The following GPAT3 variants were observed in gnomAD, a reference collection of about 807,000 sequenced individuals.
GPAT3 encodes the protein glycerol-3-phosphate acyltransferase 3.
Under a neutral mutation model 58.8 loss-of-function variants are expected in GPAT3, and 53 were observed. That is an observed-to-expected ratio of 0.90 (90% CI 0.72 to 1.13). GPAT3 has a LOEUF of 1.13. GPAT3 is among the 50% of genes most tolerant of loss of function. GPAT3 has a pLI of 0.00. For missense variants in GPAT3, 511 were observed against 527.6 expected (o/e 0.97, Z 0.31); for synonymous variants, 197 against 187.4 (o/e 1.05, Z -0.42).
chr4:83,592,432 A>G (rs942178880), intron 6 of GPAT3, among the ~76,000 whole-genome samples: 2 of 152,228 alleles, frequency 1.3e-5, no homozygotes, highest in Non-Finnish European at 2.9e-5. Context: ...GTATTGAAAG[A>G]ACATCAAAGA....
At chr4:83,577,647 C>T (rs903964481) in intron 2 of GPAT3, among the ~76,000 whole-genome samples, 1 of 152,106 alleles carries the variant, frequency 6.6e-6, no homozygotes, top group Non-Finnish European at 1.5e-5. Context: ...AAAAGATCTT[C>T]CTAAGTTATA....
intron 6 of GPAT3, among the ~76,000 whole-genome samples, chr4:83,591,949 TA>T (rs1726617078): frequency 6.6e-6 from 1 of 152,148 alleles, no homozygotes; most frequent in Non-Finnish European, 1.5e-5. Flanking sequence ...TCACATGGTA[TA>T]AGGCAGAAGG....
intron 2 of GPAT3, among the ~76,000 whole-genome samples, chr4:83,548,603 G>A (rs771899537): frequency 2.2e-4 from 33 of 152,128 alleles, no homozygotes; most frequent in Non-Finnish European, 2.6e-4. Context: ...ACATAAAGGC[G>A]GTGGCTTGTC....
chr4:83,536,098 G>A (rs1724068631), upstream of GPAT3: 1 of 985,592 alleles, frequency 1.0e-6, no homozygotes, highest in Non-Finnish European at 1.2e-6. Context: ...CTGGGCGCCC[G>A]AGCGCAGCCA....
At chr4:83,581,962 C>A (rs1286758484) in intron 3 of GPAT3, 130 bp downstream of exon 3, 6 of 1,261,522 alleles carry the variant, frequency 4.8e-6, no homozygotes, top group Non-Finnish European at 6.6e-6. Flanking sequence ...TGCCACCAAA[C>A]ATGACCTCTA....
In GPAT3 at chr4:83,598,130, G is replaced by A. The variant is rs757309048; in HGVS notation, c.1076G>A (p.Ser359Asn). The change falls in exon 10 of 12, where the codon AGC becomes AAC. Residue 359 changes from serine to asparagine, a missense_variant. Ser to Asn is a conservative substitution (Grantham distance 46). Transcript: ENST00000264409. Reference protein sequence around the residue: ...MVSYLLRMMTSWAIVCDVWYM... With the variant: ...MVSYLLRMMTNWAIVCDVWYM... ...AGCTACCTGCTTCGAATGATGACCA[G>A]CTGGGCCATCGTCTGTGACGTGTGG... The A allele has an allele frequency of 2.5e-6, 4 of 1,613,516 alleles. No homozygotes were observed. In the South Asian group the frequency reaches 3.3e-5, roughly 13 times the overall value.
intron 6 of GPAT3, among the ~76,000 whole-genome samples, chr4:83,594,145 A>G (rs1726720917): frequency 6.6e-6 from 1 of 151,258 alleles, no homozygotes; most frequent in Non-Finnish European, 1.5e-5. Context: ...TATCTCCTGG[A>G]AATTACTCTT....
chr4:83,557,383 C>A (rs1004468024), intron 2 of GPAT3, among the ~76,000 whole-genome samples: 2 of 152,158 alleles, frequency 1.3e-5, no homozygotes, highest in Non-Finnish European at 2.9e-5. Flanking sequence ...ATCATCCTGG[C>A]AGACATCACT....
At chr4:83,574,496 TAGAC>T (rs929111595) in intron 2 of GPAT3, among the ~76,000 whole-genome samples, 9 of 151,918 alleles carry the variant, frequency 5.9e-5, no homozygotes, top group South Asian at 2.1e-4. Context: ...TTGTGTGAGA[TAGAC>T]AGTTGTAATT....
Position 83,604,777 on chromosome 4 carries a change from T to A in GPAT3, c.*10T>A, listed in dbSNP as rs564889125. 6.2e-7 allele frequency: 1 copy of A among 1,609,284 alleles called. No individual in the cohort carries two copies. Among genetic ancestry groups the A allele is most frequent in the African/African-American group, 1.3e-5 (1 of 74,922 alleles). ...TGGATCTCTCAGCTAAGAGGACGGA[T>A]GACAGCCTTTAGATCTAGAACTAGC... On this transcript the variant is annotated 3_prime_UTR_variant, in exon 12 of 12. Coordinates refer to ENST00000264409, the MANE Select transcript of GPAT3 (RefSeq NM_032717.5).
At chr4:83,587,611 A>G (rs145153083) in intron 4 of GPAT3, among the ~76,000 whole-genome samples, 1 of 152,206 alleles carries the variant, frequency 6.6e-6, no homozygotes, top group East Asian at 1.9e-4. Flanking sequence ...TATTTTTAGT[A>G]GAGACGGGGT....
chr4:83,598,571 C>T (rs1262222253), intron 10 of GPAT3, 73 bp from the exon 11 acceptor site: 19 of 1,199,162 alleles, frequency 1.6e-5, no homozygotes, highest in Middle Eastern at 2.0e-4. Flanking sequence ...AAAACAAATA[C>T]AAATGATTAT....
At position 83,536,754 on chromosome 4, in the gene GPAT3, A is replaced by G; in HGVS notation, c.132A>G (p.Lys44=). The change falls in exon 1 of 12, where the codon AAA becomes AAG. Residue 44 remains lysine (K), a synonymous_variant. Transcript: ENST00000264409. The stretch of plus-strand genomic sequence containing the variant: ...AGATCTACATGAAGATCCTAGTGAA[A>G]ACTTTAGAGGTGAGTGCCGGGAGGG... ...ISEIYMKILV[K]TLEWATIRIE... is the part of the protein sequence containing the mutation. 6.2e-7 allele frequency: 1 copy of G among 1,610,978 alleles called. No individual in the cohort carries two copies. Among genetic ancestry groups the G allele is most frequent in the Non-Finnish European group, 8.5e-7 (1 of 1,179,256 alleles).
chr4:83,579,046 CTTT>C (rs1386999011), intron 2 of GPAT3, among the ~76,000 whole-genome samples: 342 of 31,142 alleles, frequency 0.011, 5 homozygotes, highest in African/African-American at 0.043. Context: ...TTCTTTCTTT[CTTT>C]CTTTCTTTCT....
intron 6 of GPAT3, among the ~76,000 whole-genome samples, chr4:83,591,970 C>G (rs1345299809): frequency 6.6e-6 from 1 of 152,092 alleles, no homozygotes; most frequent in Non-Finnish European, 1.5e-5. Context: ...GGCCAAAAGC[C>G]CAAGAAAGCA....
chr4:83,536,860 G>A (rs1724116220), intron 1 of GPAT3, 97 bp downstream of exon 1: 1 of 1,111,094 alleles, frequency 9.0e-7, no homozygotes. Flanking sequence ...TCAGGGGTGT[G>A]TGTGCGCGCG....
intron 2 of GPAT3, among the ~76,000 whole-genome samples, chr4:83,580,581 C>T (rs1726072134): frequency 6.6e-6 from 1 of 152,154 alleles, no homozygotes; most frequent in South Asian, 2.1e-4. Flanking sequence ...GCTACTACTT[C>T]CGTACTTGTA....
At chr4:83,551,417 CT>C (rs1297915268) in intron 2 of GPAT3, among the ~76,000 whole-genome samples, 1 of 151,974 alleles carries the variant, frequency 6.6e-6, no homozygotes, top group Non-Finnish European at 1.5e-5. Flanking sequence ...TATATTGCGC[CT>C]GGCTGGGACA....
At chr4:83,560,813 C>T (rs1404065450) in intron 2 of GPAT3, among the ~76,000 whole-genome samples, 2 of 152,058 alleles carry the variant, frequency 1.3e-5, no homozygotes, top group Non-Finnish European at 2.9e-5. Flanking sequence ...GTTATTTAAG[C>T]GTGTGGTACC....
Sources: gnomAD v4.1 joint callset for allele counts (sites outside exome capture counted in the v4.1 genomes callset) on GRCh38, gnomAD v4.1.1 for gene constraint, MANE v1.5 for transcripts, NCBI Gene and HGNC (gene_info 2026-07-23, HGNC 2026-07-21) for gene names.